RHPN2: variants seen among roughly 807,000 people sequenced by gnomAD.
The protein encoded by RHPN2 is rhophilin-2.
Under a neutral mutation model 79.0 loss-of-function variants are expected in RHPN2, and 40 were observed. That is an observed-to-expected ratio of 0.51 (90% CI 0.39 to 0.66). The LOEUF is 0.66. Ranked by LOEUF, RHPN2 falls within the 30% of genes least tolerant of loss-of-function variation. The probability of loss-of-function intolerance (pLI) is 0.00; values close to 1 mark genes in which losing one functional copy is unlikely to be tolerated. For missense variants in RHPN2, 686 were observed against 883.5 expected (o/e 0.78, Z 2.83); for synonymous variants, 285 against 363.5 (o/e 0.78, Z 2.46).
At chr19:33,006,157 G>GGCAT (rs1189288047) in intron 7 of RHPN2, among the ~76,000 whole-genome samples, 2 of 151,798 alleles carry the variant, frequency 1.3e-5, no homozygotes, top group Non-Finnish European at 2.9e-5. Flanking sequence ...TGGGATTACA[G>GGCAT]GCATGAGCCA....
chr19:33,001,030 C>G (rs562656887), intron 9 of RHPN2, among the ~76,000 whole-genome samples: 1 of 152,254 alleles, frequency 6.6e-6, no homozygotes, highest in East Asian at 1.9e-4. Context: ...CGTACAGGCC[C>G]TTCGTTTTCG....
At chr19:32,994,182 G>C in intron 11 of RHPN2, 129 bp from the exon 12 acceptor site, 1 of 688,610 alleles carries the variant, frequency 1.5e-6, no homozygotes, top group Non-Finnish European at 2.7e-6. Context: ...GATCACTTGA[G>C]GCCATAAGTT....
chr19:33,044,150 G>A, intron 2 of RHPN2, 99 bp downstream of exon 2: 1 of 845,438 alleles, frequency 1.2e-6, no homozygotes, highest in Non-Finnish European at 2.0e-6. Context: ...TGCCAGAAAT[G>A]AGGAGGAAAC....
intron 14 of RHPN2, among the ~76,000 whole-genome samples, chr19:32,981,417 A>G (rs866546781): frequency 7.6e-4 from 32 of 42,384 alleles, no homozygotes; most frequent in East Asian, 2.9e-3. Context: ...ATAAAAAAAA[A>G]GGGGGGGGGC....
chr19:33,039,152 T>C (rs927855698), intron 2 of RHPN2, among the ~76,000 whole-genome samples: 1 of 152,068 alleles, frequency 6.6e-6, no homozygotes, highest in Non-Finnish European at 1.5e-5. Flanking sequence ...TGATCCCAAA[T>C]CCCGCTCTGC....
chr19:33,037,621 G>A (rs1568322950), intron 2 of RHPN2, among the ~76,000 whole-genome samples: 1 of 151,450 alleles, frequency 6.6e-6, no homozygotes, highest in Non-Finnish European at 1.5e-5. Flanking sequence ...AACAACTCCA[G>A]ACGAACAACT....
rs71340517 is a variant in RHPN2, at chr19:33,008,250, C to CTT, written c.594-72_594-71dup. On this transcript the variant is annotated intron_variant, in intron 6 of 14. Coordinates refer to ENST00000254260, the MANE Select transcript of RHPN2 (RefSeq NM_033103.5). ...GTTAATGCTACAAGTGGAAAAAATTCTTTTTTTTTTTTTTTTTAAGAGTCA... is the reference window on the plus strand; with the variant it reads ...GTTAATGCTACAAGTGGAAAAAATTCTTTTTTTTTTTTTTTTTTTAAGAGTCA... The CTT allele has an allele frequency of 6.9e-3, 7,396 of 1,077,684 alleles. 1 individual carries two copies. The highest frequency in any genetic ancestry group is 9.2e-3 in the Middle Eastern group (30 of 3,266). The allele number at this position is 1,077,684 out of a possible 1,614,324, so 66.8% of individuals were successfully genotyped here.
chr19:33,019,870 G>A (rs111891329), intron 4 of RHPN2, among the ~76,000 whole-genome samples: 48 of 152,212 alleles, frequency 3.2e-4, no homozygotes, highest in African/African-American at 1.1e-3. Flanking sequence ...GCTGCATGGC[G>A]CAAACTTGGG....
At chr19:32,982,969 T>A (rs897769551) in intron 14 of RHPN2, among the ~76,000 whole-genome samples, 2 of 151,502 alleles carry the variant, frequency 1.3e-5, no homozygotes, top group African/African-American at 4.9e-5. Flanking sequence ...GTATACTTCA[T>A]GGCATCCGTC....
chr19:32,980,709 G>A (rs183996526), intron 14 of RHPN2, among the ~76,000 whole-genome samples: 27 of 152,318 alleles, frequency 1.8e-4, no homozygotes, highest in African/African-American at 5.8e-4. Context: ...TTTTGAGACA[G>A]GGTCTTGCTA....
At chr19:33,064,755 T>TGGGCCCCCCC in intron 1 of RHPN2, 29 bp downstream of exon 1, 123 of 1,427,878 alleles carry the variant, frequency 8.6e-5, no homozygotes, top group Non-Finnish European at 1.1e-4. Context: ...AGCCCGCAGG[T>TGGGCCCCCCC]CCCCGCCCGC....
At chr19:33,025,409 G>C (rs1332513525) in intron 3 of RHPN2, among the ~76,000 whole-genome samples, 1 of 151,880 alleles carries the variant, frequency 6.6e-6, no homozygotes, top group Admixed American at 6.6e-5. Context: ...TTGAACCCAG[G>C]AGGTGGAGAT....
intron 2 of RHPN2, among the ~76,000 whole-genome samples, chr19:33,029,442 C>T (rs543185305): frequency 2.9e-4 from 43 of 148,774 alleles, no homozygotes; most frequent in Non-Finnish European, 4.6e-4. Flanking sequence ...AGGAGAATGG[C>T]GTGAACCCAG....
At chr19:32,985,404 G>A (rs2145998700) in intron 14 of RHPN2, among the ~76,000 whole-genome samples, 1 of 152,280 alleles carries the variant, frequency 6.6e-6, no homozygotes, top group Non-Finnish European at 1.5e-5. Flanking sequence ...TGGGAGGCAA[G>A]GTAGGCGGAT....
chr19:33,028,648 C>A lies in RHPN2; in HGVS notation c.186-2016G>T, dbSNP rs141424455. Reference sequence around the variant, plus strand: ...TTCTATGTTTATGGATGGGAAGGCTCATTATTGTCAAGATATCAAGCCTCC... The same window carrying A: ...TTCTATGTTTATGGATGGGAAGGCTAATTATTGTCAAGATATCAAGCCTCC... On this transcript the variant is annotated intron_variant, in intron 2 of 14. Coordinates refer to ENST00000254260, the MANE Select transcript of RHPN2 (RefSeq NM_033103.5). Among the ~76,000 whole-genome samples, 346 of 152,246 alleles carry A rather than the reference C, an allele frequency of 2.3e-3. 1 individual carries two copies. Among genetic ancestry groups the A allele is most frequent in the Non-Finnish European group, 4.1e-3 (276 of 68,020 alleles).
chr19:33,009,774 AT>A (rs1369031130), intron 6 of RHPN2, among the ~76,000 whole-genome samples: 2 of 149,316 alleles, frequency 1.3e-5, no homozygotes, highest in Non-Finnish European at 3.0e-5. Flanking sequence ...TTTTATTTTT[AT>A]TTTTTTTATT....
chr19:32,993,570 T>A (rs184808362), intron 12 of RHPN2, among the ~76,000 whole-genome samples: 1 of 152,046 alleles, frequency 6.6e-6, no homozygotes, highest in Non-Finnish European at 1.5e-5. Flanking sequence ...ATATTAAAAT[T>A]TTATTAATAT....
intron 3 of RHPN2, 57 bp from the exon 4 acceptor site, chr19:33,021,703 C>G: frequency 3.6e-6 from 5 of 1,389,728 alleles, no homozygotes; most frequent in Non-Finnish European, 5.0e-6. Flanking sequence ...CCTGTGCACC[C>G]CACGGCCTTG....
At chr19:33,016,264 T>A (rs1353999124) in intron 4 of RHPN2, among the ~76,000 whole-genome samples, 1 of 151,840 alleles carries the variant, frequency 6.6e-6, no homozygotes, top group African/African-American at 2.4e-5. Context: ...CAGGATGGAG[T>A]GCAGGGGCTC....
Sources: allele counts gnomAD v4.1 joint callset (sites outside exome capture counted in the v4.1 genomes callset), GRCh38; gene constraint gnomAD v4.1.1; transcripts MANE v1.5; gene names NCBI Gene and HGNC (gene_info 2026-07-23, HGNC 2026-07-21).